Variants in KALRN observed in about 807,000 individuals in gnomAD.
The protein encoded by KALRN is kalirin RhoGEF kinase.
Under a neutral mutation model 353.7 loss-of-function variants are expected in KALRN, and 70 were observed. The observed-to-expected ratio is 0.20, with a 90% confidence interval of 0.16 to 0.24. The LOEUF (loss-of-function observed/expected upper bound fraction) is 0.24, where lower values mean the gene tolerates loss of function less well. Ranked by LOEUF, KALRN falls within the 10% of genes least tolerant of loss-of-function variation. The pLI is 1.00. For missense variants in KALRN, 2,791 were observed against 3,756.7 expected, an observed-to-expected ratio of 0.74 and a Z score of 6.72; for synonymous variants, 1,391 against 1,434.8, an observed-to-expected ratio of 0.97 and a Z score of 0.69.
At chr3:124,566,523 C>G (rs1448578856) in intron 34 of KALRN, among the ~76,000 whole-genome samples, 1 of 150,628 alleles carries the variant, frequency 6.6e-6, no homozygotes, top group Non-Finnish European at 1.5e-5. Context: ...AAAAAAAGGA[C>G]CTAAGTCTGC....
At chr3:124,374,947 A>G (rs1340348301) in intron 10 of KALRN, among the ~76,000 whole-genome samples, 2 of 152,196 alleles carry the variant, frequency 1.3e-5, no homozygotes, top group Non-Finnish European at 2.9e-5. Flanking sequence ...TCCATGCAAG[A>G]ATGAATTTCT....
At position 124,334,557 on chromosome 3, in the gene KALRN, C is replaced by G. The variant is rs1465034897; in HGVS notation, c.1647+62C>G. Reference sequence around the variant, plus strand: ...CTAGGAGGCAGACCGAGCTCAAGTCCCTGACCTAGGTGATCAGGCTTAGGA... The same window carrying G: ...CTAGGAGGCAGACCGAGCTCAAGTCGCTGACCTAGGTGATCAGGCTTAGGA... On this transcript the variant is annotated intron_variant, in intron 9 of 59. Coordinates refer to ENST00000682506, the MANE Select transcript of KALRN (RefSeq NM_001388419.1). This position sits in a 1 kb window ranked among gnomAD's most constrained non-coding sequence, Gnocchi z 4.2. 2.5e-6 allele frequency: 3 copies of G among 1,215,308 alleles called. No homozygotes were observed. The African/African-American group carries it at 4.5e-5, about 18-fold the overall frequency. The allele number at this position is 1,215,308 out of a possible 1,614,324, so 75.3% of individuals were successfully genotyped here. A position where few individuals can be genotyped will look rare whatever the true frequency, so the allele number is the denominator to read the frequency against.
intron 1 of KALRN, among the ~76,000 whole-genome samples, chr3:124,192,631 T>C (rs2075046488): frequency 6.6e-6 from 1 of 152,156 alleles, no homozygotes; most frequent in Non-Finnish European, 1.5e-5. Flanking sequence ...ACATCTCACA[T>C]ACCCTGTAAA....
chr3:124,278,838 G>T (rs575456612), intron 5 of KALRN, among the ~76,000 whole-genome samples: 61 of 152,234 alleles, frequency 4.0e-4, no homozygotes, highest in African/African-American at 1.5e-3. Flanking sequence ...TGATGAATTT[G>T]TCAGACTTTA....
chr3:124,113,512 A>G (rs1256682530), intron 1 of KALRN, among the ~76,000 whole-genome samples: 2 of 152,220 alleles, frequency 1.3e-5, no homozygotes, highest in East Asian at 1.9e-4. Flanking sequence ...AGAGTCGATG[A>G]CTAACTTCCA....
At chr3:124,340,099 A>G (rs1045577610) in intron 9 of KALRN, among the ~76,000 whole-genome samples, 7 of 152,222 alleles carry the variant, frequency 4.6e-5, no homozygotes, top group African/African-American at 1.7e-4. Context: ...CTGTTTACAT[A>G]GAGCTTACAG....
In KALRN at chr3:124,049,552, G is replaced by T. The variant is rs1024102367; in HGVS notation, c.73+15739G>T. On this transcript the variant is annotated intron_variant, in intron 1 of 59. Transcript: ENST00000682506. ...GGGATTTTGTCAGCTGCTTCTCTGG[G>T]GTCTCCTTCGGTTTTGAGTGTGGTT... 2.6e-5 allele frequency among the ~76,000 whole-genome samples: 4 copies of T among 152,168 alleles called. No homozygotes were observed. In the East Asian group the frequency reaches 7.7e-4, roughly 29 times the overall value.
intron 53 of KALRN, 125 bp downstream of exon 53, chr3:124,694,628 C>A: frequency 1.1e-6 from 1 of 926,856 alleles, no homozygotes; most frequent in Non-Finnish European, 1.6e-6. Context: ...TGCCCTGGAG[C>A]CTGTTCTTGG....
chr3:124,400,190 C>T (rs1393939056), intron 13 of KALRN, among the ~76,000 whole-genome samples: 1 of 152,018 alleles, frequency 6.6e-6, no homozygotes, highest in East Asian at 1.9e-4. Flanking sequence ...CAACTCAGTA[C>T]AAGAGACTAT....
chr3:124,617,190 T>TG (rs1213960107), intron 34 of KALRN, among the ~76,000 whole-genome samples: 1 of 151,938 alleles, frequency 6.6e-6, no homozygotes, highest in Non-Finnish European at 1.5e-5. Flanking sequence ...AAAAATTAGC[T>TG]GGGCATGGTG....
At chr3:124,712,875 G>A (rs888609570) in intron 57 of KALRN, 60 bp from the exon 58 acceptor site, 1 of 1,244,312 alleles carries the variant, frequency 8.0e-7, no homozygotes, top group Non-Finnish European at 1.2e-6. Flanking sequence ...ACTTATCCAT[G>A]AATAAAATAT....
chr3:124,348,492 G>A (rs1383349785), intron 10 of KALRN, among the ~76,000 whole-genome samples: 1 of 152,230 alleles, frequency 6.6e-6, no homozygotes, highest in Non-Finnish European at 1.5e-5. Context: ...GAGGCAGAAA[G>A]ACCATGTCAG....
intron 33 of KALRN, among the ~76,000 whole-genome samples, chr3:124,505,596 G>A (rs943168120): frequency 2.6e-5 from 4 of 152,258 alleles, no homozygotes; most frequent in African/African-American, 9.6e-5. Flanking sequence ...TTGCACCACT[G>A]TACTCCAACC....
At chr3:124,283,329 G>A (rs1360255651) in intron 5 of KALRN, among the ~76,000 whole-genome samples, 5 of 152,194 alleles carry the variant, frequency 3.3e-5, no homozygotes, top group South Asian at 2.1e-4. Context: ...GGATAAAGTT[G>A]GGCATTATTT....
chr3:124,107,605 ATAAG>A (rs1048783811), intron 1 of KALRN, among the ~76,000 whole-genome samples: 9 of 152,074 alleles, frequency 5.9e-5, no homozygotes, highest in African/African-American at 2.2e-4. Flanking sequence ...GAAGGAATAA[ATAAG>A]TAAGAACCCT....
At chr3:124,424,730 C>T (rs1295309982) in intron 15 of KALRN, among the ~76,000 whole-genome samples, 1 of 152,206 alleles carries the variant, frequency 6.6e-6, no homozygotes, top group East Asian at 1.9e-4. Context: ...AACGAGTATG[C>T]AAATTCTGCA....
Position 124,633,911 on chromosome 3 carries a change from A to T in KALRN, c.5526A>T (p.Pro1842=), listed in dbSNP as rs55915606. 1.8e-3 allele frequency: 2,890 copies of T among 1,613,998 alleles called. 40 individuals are homozygous for T. In the African/African-American group the frequency reaches 0.034, roughly 19 times the overall value. ...PDEESHTPLP[P]PMKIFDNDPT... ...AAGAGTCACACACACCCCTCCCACC[A>T]CCTATGAAGATTTTTGACAACGACC... Residue 1842 remains proline, a synonymous_variant, in exon 36 of 60, where the codon CCA becomes CCT. Coordinates refer to ENST00000682506, the MANE Select transcript of KALRN (RefSeq NM_001388419.1).
intron 11 of KALRN, among the ~76,000 whole-genome samples, chr3:124,386,643 CCCTAAGGCCCCTTA>C (rs1490820782): frequency 6.6e-6 from 1 of 152,164 alleles, no homozygotes. Flanking sequence ...TTGGACTTGG[CCCTAAGGCCCCTTA>C]TGGTTCTAAT....
At chr3:124,412,167 C>T (rs1005457990) in intron 13 of KALRN, among the ~76,000 whole-genome samples, 7 of 152,198 alleles carry the variant, frequency 4.6e-5, no homozygotes, top group African/African-American at 1.7e-4. Flanking sequence ...GTGTGTACCC[C>T]AGCATGGAAT....
Sources: gnomAD v4.1 joint callset for allele counts (sites outside exome capture counted in the v4.1 genomes callset) on GRCh38, gnomAD v4.1.1 for gene constraint, Gnocchi (gnomAD v3.1) non-coding constraint, MANE v1.5 for transcripts, NCBI Gene and HGNC (gene_info 2026-07-23, HGNC 2026-07-21) for gene names.